GUCY1A2: variants seen among roughly 807,000 people sequenced by gnomAD.
The protein encoded by GUCY1A2 is guanylate cyclase 1 soluble subunit alpha 2, also known as guanylate cyclase soluble subunit alpha-2.
In GUCY1A2, 27 loss-of-function variants were observed where a neutral mutation model predicts 63.5. That is an observed-to-expected ratio of 0.43 (90% confidence interval 0.31 to 0.59). The LOEUF (loss-of-function observed/expected upper bound fraction) is 0.59. GUCY1A2 is among the 20% of genes least tolerant of loss of function. GUCY1A2 has a pLI of 0.11. For missense variants in GUCY1A2, 768 were observed against 913.3 expected, an observed-to-expected ratio of 0.84 and a Z score of 2.05; for synonymous variants, 364 against 343.5, an observed-to-expected ratio of 1.06 and a Z score of -0.66.
intron 4 of GUCY1A2, among the ~76,000 whole-genome samples, chr11:106,822,196 T>G (rs1858912104): frequency 6.6e-6 from 1 of 152,198 alleles, no homozygotes; most frequent in Admixed American, 6.5e-5. Context: ...TTAGTTTTAT[T>G]TATTTTGCAA....
At chr11:106,848,374 G>GA (rs1859306115) in intron 4 of GUCY1A2, among the ~76,000 whole-genome samples, 1 of 151,500 alleles carries the variant, frequency 6.6e-6, no homozygotes, top group Non-Finnish European at 1.5e-5. Context: ...TAAAGTAACA[G>GA]AAAAATCATA....
At chr11:106,945,964 C>A (rs1002588639) in intron 3 of GUCY1A2, among the ~76,000 whole-genome samples, 5 of 151,990 alleles carry the variant, frequency 3.3e-5, no homozygotes, top group Non-Finnish European at 5.9e-5. Context: ...AAACCCATCT[C>A]AAAAAACAAA....
chr11:106,808,832 G>T (rs1565296733), intron 5 of GUCY1A2, among the ~76,000 whole-genome samples: 1 of 151,920 alleles, frequency 6.6e-6, no homozygotes, highest in African/African-American at 2.4e-5. Context: ...GTATCTCTCC[G>T]GTTTAGAATC....
At chr11:106,734,096 A>T (rs1255664357) in intron 6 of GUCY1A2, among the ~76,000 whole-genome samples, 1 of 152,128 alleles carries the variant, frequency 6.6e-6, no homozygotes, top group Non-Finnish European at 1.5e-5. Flanking sequence ...AGAAAGAATG[A>T]TTTAATAGTA....
At chr11:106,934,863 T>C (rs1860654168) in intron 4 of GUCY1A2, among the ~76,000 whole-genome samples, 1 of 152,180 alleles carries the variant, frequency 6.6e-6, no homozygotes, top group Admixed American at 6.5e-5. Flanking sequence ...AAAGAACTCA[T>C]GTTATTTATT....
chr11:106,953,436 G>C (rs1228431800), intron 3 of GUCY1A2, among the ~76,000 whole-genome samples: 1 of 152,180 alleles, frequency 6.6e-6, no homozygotes, highest in African/African-American at 2.4e-5. Context: ...GTATTTTATT[G>C]AAGATTTTTG....
At chr11:106,787,098 G>A (rs922413695) in intron 5 of GUCY1A2, among the ~76,000 whole-genome samples, 1 of 151,314 alleles carries the variant, frequency 6.6e-6, no homozygotes, top group Non-Finnish European at 1.5e-5. Flanking sequence ...TATTTTTTGT[G>A]TGGTGGTTTC....
At chr11:106,777,073 C>T (rs1864370612) in intron 5 of GUCY1A2, among the ~76,000 whole-genome samples, 2 of 152,116 alleles carry the variant, frequency 1.3e-5, no homozygotes, top group Admixed American at 1.3e-4. Context: ...CCTAATGTTT[C>T]TTAAATATTC....
At chr11:106,829,124 C>T (rs908565544) in intron 4 of GUCY1A2, among the ~76,000 whole-genome samples, 1 of 152,226 alleles carries the variant, frequency 6.6e-6, no homozygotes, top group East Asian at 1.9e-4. Flanking sequence ...CAATAATAAT[C>T]TTCTGATTAT....
chr11:106,753,243 G>C (rs527399184), intron 6 of GUCY1A2, among the ~76,000 whole-genome samples: 1 of 152,292 alleles, frequency 6.6e-6, no homozygotes, highest in Admixed American at 6.5e-5. Flanking sequence ...ATTTGTTGAA[G>C]TTCTTTATAG....
chr11:106,963,928 G>C (rs376931795), intron 3 of GUCY1A2, among the ~76,000 whole-genome samples: 2 of 152,032 alleles, frequency 1.3e-5, no homozygotes, highest in East Asian at 1.9e-4. Flanking sequence ...TTAGAGAAAA[G>C]TTGCAAGAAT....
At chr11:106,717,783 G>A (rs1040905271) in intron 6 of GUCY1A2, among the ~76,000 whole-genome samples, 9 of 152,120 alleles carry the variant, frequency 5.9e-5, no homozygotes, top group African/African-American at 2.2e-4. Context: ...TAGTTAAAAT[G>A]TATCATAAAG....
intron 4 of GUCY1A2, among the ~76,000 whole-genome samples, chr11:106,864,797 G>T (rs1411979380): frequency 1.3e-5 from 2 of 152,034 alleles, no homozygotes; most frequent in South Asian, 4.1e-4. Flanking sequence ...GCTTTTTAAT[G>T]TGCTGCTGGA....
At chr11:106,922,557 T>C (rs933609768) in intron 4 of GUCY1A2, among the ~76,000 whole-genome samples, 3 of 149,754 alleles carry the variant, frequency 2.0e-5, no homozygotes, top group Admixed American at 6.7e-5. Flanking sequence ...AACATATATA[T>C]ATATATATGT....
chr11:106,813,260 A>G (rs1410163219), intron 4 of GUCY1A2, among the ~76,000 whole-genome samples: 1 of 151,974 alleles, frequency 6.6e-6, no homozygotes, highest in Non-Finnish European at 1.5e-5. Context: ...CAAGCATAAC[A>G]AAGGGGAGTA....
intron 1 of GUCY1A2, among the ~76,000 whole-genome samples, chr11:106,995,970 T>C (rs1241298108): frequency 8.2e-6 from 1 of 122,354 alleles, no homozygotes; most frequent in African/African-American, 3.2e-5. Flanking sequence ...CAGTGGGGTA[T>C]TTCCCAAGAA....
At chr11:107,013,826 A>T (rs1419708618) in intron 1 of GUCY1A2, among the ~76,000 whole-genome samples, 1 of 152,192 alleles carries the variant, frequency 6.6e-6, no homozygotes, top group Non-Finnish European at 1.5e-5. Flanking sequence ...AGACAATTGG[A>T]GTTCTTATGT....
chr11:106,691,347 T>A (rs1862621194), intron 7 of GUCY1A2, among the ~76,000 whole-genome samples: 1 of 152,198 alleles, frequency 6.6e-6, no homozygotes, highest in Non-Finnish European at 1.5e-5. Context: ...TGGATTTAAG[T>A]ACAAAAGTTA....
chr11:106,957,590 T>C (rs1419576421), intron 3 of GUCY1A2, among the ~76,000 whole-genome samples: 1 of 151,770 alleles, frequency 6.6e-6, no homozygotes, highest in Non-Finnish European at 1.5e-5. Context: ...CTGCTCTTCC[T>C]TCTCTCTGTG....
Sources: gnomAD v4.1 joint callset for allele counts (sites outside exome capture counted in the v4.1 genomes callset) on GRCh38, gnomAD v4.1.1 for gene constraint, MANE v1.5 for transcripts, NCBI Gene and HGNC (gene_info 2026-07-23, HGNC 2026-07-21) for gene names.